LDLRAD3: variants seen among roughly 807,000 people sequenced by gnomAD.
The protein encoded by LDLRAD3 is low-density lipoprotein receptor class A domain-containing protein 3.
A neutral mutation model predicts 29.4 loss-of-function variants in LDLRAD3; 20 were observed. The ratio of observed to expected loss-of-function variants is 0.68; its 90% confidence interval spans 0.48 to 0.99. The LOEUF (loss-of-function observed/expected upper bound fraction) is 0.99, where lower values mean the gene tolerates loss of function less well. LDLRAD3 is among the 50% of genes least tolerant of loss of function. The probability of loss-of-function intolerance (pLI) is 0.00; values close to 1 mark genes in which losing one functional copy is unlikely to be tolerated. For synonymous variants in LDLRAD3, 157 were observed against 192.7 expected (o/e 0.81, Z 1.53); for missense variants, 420 against 454.3 (o/e 0.92, Z 0.69).
At chr11:35,998,350 A>T (rs2015039956) in intron 1 of LDLRAD3, among the ~76,000 whole-genome samples, 1 of 152,148 alleles carries the variant, frequency 6.6e-6, no homozygotes. Flanking sequence ...CCTAGTGGCC[A>T]ATGAACATTG....
intron 3 of LDLRAD3, among the ~76,000 whole-genome samples, chr11:36,084,644 T>C (rs1364519056): frequency 6.6e-6 from 1 of 152,202 alleles, no homozygotes; most frequent in Non-Finnish European, 1.5e-5. Flanking sequence ...TACCAGCTAA[T>C]AGAAGAATAA....
chr11:36,090,618 A>G (rs1002790066), intron 3 of LDLRAD3, among the ~76,000 whole-genome samples: 1 of 152,154 alleles, frequency 6.6e-6, no homozygotes, highest in African/African-American at 2.4e-5. Flanking sequence ...ACCATTAGCA[A>G]TGACTGAGTT....
At chr11:35,973,175 T>TG (rs1851436720) in intron 1 of LDLRAD3, among the ~76,000 whole-genome samples, 1 of 149,490 alleles carries the variant, frequency 6.7e-6, no homozygotes, top group Non-Finnish European at 1.5e-5. Context: ...TGTTTTGTTT[T>TG]TTTTGATTAT....
At chr11:36,219,307 T>A (rs914988462) in intron 4 of LDLRAD3, among the ~76,000 whole-genome samples, 44 of 152,322 alleles carry the variant, frequency 2.9e-4, no homozygotes, top group African/African-American at 8.9e-4. Context: ...CTATATTATT[T>A]TTTTTTAAAT....
At chr11:36,143,204 T>C (rs944360278) in intron 4 of LDLRAD3, among the ~76,000 whole-genome samples, 2 of 152,156 alleles carry the variant, frequency 1.3e-5, no homozygotes, top group African/African-American at 2.4e-5. Flanking sequence ...CCCAATTCTG[T>C]CTGTGAGCCT....
At chr11:36,224,097 TATA>T (rs763241723) in intron 4 of LDLRAD3, among the ~76,000 whole-genome samples, 3 of 148,698 alleles carry the variant, frequency 2.0e-5, no homozygotes, top group East Asian at 1.9e-4. Context: ...TATATAATTA[TATA>T]ATAATAATTA....
At chr11:35,973,495 T>C (rs115261844) in intron 1 of LDLRAD3, among the ~76,000 whole-genome samples, 3,142 of 152,230 alleles carry the variant, frequency 0.021, 113 homozygotes, top group African/African-American at 0.069. Context: ...TCTTACTCTG[T>C]CTCCCAGGCG....
chr11:35,968,287 T>C (rs1851367223), intron 1 of LDLRAD3: 2 of 381,166 alleles, frequency 5.2e-6, no homozygotes, highest in Non-Finnish European at 1.0e-5. Context: ...TTGGGAGGAG[T>C]GGATGTGAGC....
intron 4 of LDLRAD3, among the ~76,000 whole-genome samples, chr11:36,149,147 G>C (rs757453420): frequency 2.0e-5 from 3 of 152,198 alleles, no homozygotes; most frequent in Non-Finnish European, 4.4e-5. Context: ...TAGCAGAAAA[G>C]GGGAGCTTTG....
chr11:36,062,780 C>T (rs1003537644), intron 2 of LDLRAD3, among the ~76,000 whole-genome samples: 23 of 152,190 alleles, frequency 1.5e-4, no homozygotes, highest in African/African-American at 3.4e-4. Flanking sequence ...CCTTCCACCA[C>T]GATTGTAAGT....
intron 2 of LDLRAD3, among the ~76,000 whole-genome samples, chr11:36,077,716 C>G (rs886612166): frequency 1.3e-5 from 2 of 152,194 alleles, no homozygotes; most frequent in African/African-American, 4.8e-5. Context: ...CTTCAGCAAC[C>G]ACAGAGCCCT....
At chr11:36,144,837 C>CG (rs1280099985) in intron 4 of LDLRAD3, among the ~76,000 whole-genome samples, 1 of 123,812 alleles carries the variant, frequency 8.1e-6, no homozygotes. Context: ...GCCAGCCGCC[C>CG]GTCCGGGAGG....
rs566926217 is a variant in LDLRAD3, at chr11:36,018,978, T to G, written c.47-17125T>G. On this transcript the variant is annotated intron_variant, in intron 1 of 5. Transcript: ENST00000315571. Reference sequence around the variant, plus strand: ...ATAGAGGATTGTTTTAAAACACACATTTAGAAAAAAAAATCTCGATGGGCA... The same window carrying G: ...ATAGAGGATTGTTTTAAAACACACAGTTAGAAAAAAAAATCTCGATGGGCA... Among the ~76,000 whole-genome samples the G allele has an allele frequency of 4.2e-4, 64 of 152,276 alleles. 3 individuals carry two copies. The South Asian group carries it at 0.013, about 31-fold the overall frequency.
chr11:36,056,230 T>C lies in LDLRAD3; in HGVS notation c.193+19981T>C, dbSNP rs964456677. 1.2e-4 allele frequency among the ~76,000 whole-genome samples: 19 copies of C among 152,204 alleles called. No individual in the cohort carries two copies. The South Asian group carries it at 1.5e-3, about 12-fold the overall frequency. The stretch of plus-strand genomic sequence containing the variant: ...GGCTGGTCTCGAACTCCTGACTTTG[T>C]GATCCACCCGCCGCGGCCTCCCAAA... On this transcript the variant is annotated intron_variant, in intron 2 of 5. Coordinates refer to ENST00000315571, the MANE Select transcript of LDLRAD3 (RefSeq NM_174902.4).
chr11:36,086,000 C>T (rs1229474917), intron 3 of LDLRAD3, among the ~76,000 whole-genome samples: 1 of 152,154 alleles, frequency 6.6e-6, no homozygotes, highest in Non-Finnish European at 1.5e-5. Flanking sequence ...AGCTCACTTA[C>T]TCTTTCATCT....
At chr11:36,130,808 T>C (rs1430793454) in intron 4 of LDLRAD3, among the ~76,000 whole-genome samples, 1 of 152,190 alleles carries the variant, frequency 6.6e-6, no homozygotes, top group Non-Finnish European at 1.5e-5. Flanking sequence ...CTGAGAGAGT[T>C]GCCCAGGTTC....
At chr11:35,991,866 TTTG>T (rs1554954870) in intron 1 of LDLRAD3, among the ~76,000 whole-genome samples, 2 of 70,516 alleles carry the variant, frequency 2.8e-5, no homozygotes, top group South Asian at 1.5e-3. Context: ...TGAATGGTTG[TTTG>T]TGTGTGTGTG....
At chr11:35,969,498 G>A (rs1047854350) in intron 1 of LDLRAD3, among the ~76,000 whole-genome samples, 1 of 152,168 alleles carries the variant, frequency 6.6e-6, no homozygotes, top group Admixed American at 6.5e-5. Flanking sequence ...ATTGTGATAG[G>A]CGTTTTGGTT....
At chr11:36,218,762 GA>G (rs1565312382) in intron 4 of LDLRAD3, among the ~76,000 whole-genome samples, 6 of 152,302 alleles carry the variant, frequency 3.9e-5, no homozygotes, top group Admixed American at 3.9e-4. Context: ...CTCCCCTCAT[GA>G]CCCTCACTGT....
Sources: allele counts gnomAD v4.1 joint callset (sites outside exome capture counted in the v4.1 genomes callset), GRCh38; gene constraint gnomAD v4.1.1; transcripts MANE v1.5; gene names NCBI Gene and HGNC (gene_info 2026-07-23, HGNC 2026-07-21).